FAIM2: variants seen among roughly 807,000 people sequenced by gnomAD.
FAIM2 encodes the protein protein lifeguard 2.
In FAIM2, 27 loss-of-function variants were observed where a neutral mutation model predicts 47.4. That is an observed-to-expected ratio of 0.57 (90% confidence interval 0.42 to 0.78). The LOEUF is 0.78. FAIM2 is among the 30% of genes least tolerant of loss of function. The probability of loss-of-function intolerance (pLI) is 0.00; values close to 1 mark genes in which losing one functional copy is unlikely to be tolerated. For missense variants in FAIM2, 311 were observed against 389.4 expected, an observed-to-expected ratio of 0.80 and a Z score of 1.69; for synonymous variants, 156 against 159.3, an observed-to-expected ratio of 0.98 and a Z score of 0.16.
At chr12:49,888,521 C>T (rs1037545505) in intron 10 of FAIM2, among the ~76,000 whole-genome samples, 2 of 152,166 alleles carry the variant, frequency 1.3e-5, no homozygotes, top group Non-Finnish European at 2.9e-5. Flanking sequence ...CCCCAATCTG[C>T]CCCTTCTCCA....
chr12:49,882,505 G>T (rs914954825), intron 11 of FAIM2, among the ~76,000 whole-genome samples: 2 of 152,122 alleles, frequency 1.3e-5, no homozygotes, highest in Non-Finnish European at 2.9e-5. Flanking sequence ...AGCTGCAGAT[G>T]AACACGGCAG....
chr12:49,890,203 G>C (rs750900044), intron 7 of FAIM2, 49 bp from the exon 8 acceptor site: 1 of 1,591,586 alleles, frequency 6.3e-7, no homozygotes, highest in Non-Finnish European at 8.6e-7. Flanking sequence ...AGACGCAGGG[G>C]CCCAGGCACC....
chr12:49,880,076 GTGTA>G (rs1426392172), intron 11 of FAIM2, among the ~76,000 whole-genome samples: 17 of 151,204 alleles, frequency 1.1e-4, no homozygotes, highest in Non-Finnish European at 1.0e-4. Context: ...GTGTGCATGA[GTGTA>G]TGTGTGTGCC....
chr12:49,888,141 G>C (rs1316214660), intron 10 of FAIM2, among the ~76,000 whole-genome samples: 1 of 152,160 alleles, frequency 6.6e-6, no homozygotes, highest in Non-Finnish European at 1.5e-5. Flanking sequence ...GTCAATAAAG[G>C]GTTCTTTGAA....
chr12:49,893,674 T>C (rs765898794), intron 5 of FAIM2, among the ~76,000 whole-genome samples: 52 of 152,288 alleles, frequency 3.4e-4, no homozygotes, highest in South Asian at 8.3e-4. Flanking sequence ...CTTAACCCTT[T>C]CCTGGTCTTC....
intron 11 of FAIM2, among the ~76,000 whole-genome samples, chr12:49,886,577 A>G (rs945547731): frequency 6.6e-6 from 1 of 151,926 alleles, no homozygotes; most frequent in Admixed American, 6.6e-5. Flanking sequence ...CCGGGTTCAC[A>G]CCATTCTCCT....
At chr12:49,892,700 C>T (rs1367094550) in intron 5 of FAIM2, among the ~76,000 whole-genome samples, 1 of 152,154 alleles carries the variant, frequency 6.6e-6, no homozygotes, top group Non-Finnish European at 1.5e-5. Context: ...TCCAGCTCTT[C>T]CCCCACGTTC....
At chr12:49,880,505 TGA>T (rs1235022921) in intron 11 of FAIM2, among the ~76,000 whole-genome samples, 8 of 143,342 alleles carry the variant, frequency 5.6e-5, no homozygotes, top group South Asian at 2.2e-4. Context: ...TGTGTGTGTA[TGA>T]GTGTGTATGT....
chr12:49,879,010 G>GTGTGTA (rs895530246), intron 11 of FAIM2, among the ~76,000 whole-genome samples: 1 of 130,914 alleles, frequency 7.6e-6, no homozygotes, highest in South Asian at 2.5e-4. Flanking sequence ...GTATGTGCAT[G>GTGTGTA]TGTGTATGTG....
intron 11 of FAIM2, among the ~76,000 whole-genome samples, chr12:49,880,142 G>T (rs2137088120): frequency 2.0e-5 from 3 of 150,872 alleles, no homozygotes; most frequent in Admixed American, 2.0e-4. Flanking sequence ...GTGTGTATAT[G>T]TGAGTGTATG....
chr12:49,870,463 G>A lies in FAIM2; in HGVS notation c.*41C>T. Reference sequence around the variant, plus strand: ...GCAGGGGAGGGACAGGGAACCAGGAGGGGCGCATTCTCTGGAGGACGGTGG... The same window carrying A: ...GCAGGGGAGGGACAGGGAACCAGGAAGGGCGCATTCTCTGGAGGACGGTGG... On this transcript the variant is annotated 3_prime_UTR_variant, in exon 12 of 12. Coordinates refer to ENST00000320634, the MANE Select transcript of FAIM2 (RefSeq NM_012306.4). The A allele has an allele frequency of 6.3e-7, 1 of 1,589,980 alleles. No homozygotes were observed. Among genetic ancestry groups the A allele is most frequent in the Non-Finnish European group, 8.6e-7 (1 of 1,161,476 alleles).
chr12:49,890,052 T>A, intron 8 of FAIM2, 65 bp downstream of exon 8: 2 of 1,514,564 alleles, frequency 1.3e-6, no homozygotes, highest in Non-Finnish European at 1.8e-6. Context: ...TCCCCTCGGG[T>A]GTGGCTGGTG....
At chr12:49,890,954 TGGGG>T in intron 6 of FAIM2, 106 bp downstream of exon 6, 1 of 1,089,708 alleles carries the variant, frequency 9.2e-7, no homozygotes, top group Non-Finnish European at 1.4e-6. Context: ...CAGAGAGGGA[TGGGG>T]CCCTCTCAGG....
chr12:49,884,565 G>GT (rs1946847543), intron 11 of FAIM2, among the ~76,000 whole-genome samples: 1 of 152,228 alleles, frequency 6.6e-6, no homozygotes, highest in Non-Finnish European at 1.5e-5. Context: ...TTCCAAGCCA[G>GT]TAGAACCACA....
At chr12:49,882,411 G>A (rs1304187404) in intron 11 of FAIM2, among the ~76,000 whole-genome samples, 2 of 152,158 alleles carry the variant, frequency 1.3e-5, no homozygotes, top group African/African-American at 2.4e-5. Context: ...GAGGGCCTTC[G>A]TCTACCTGAA....
At position 49,870,078 on chromosome 12, in the gene FAIM2, C is replaced by A. The variant is rs1051690452; in HGVS notation, c.*426G>T. 6.4e-6 allele frequency: 1 copy of A among 157,168 alleles called. No homozygotes were observed. The highest frequency in any genetic ancestry group is 2.4e-5 in the African/African-American group (1 of 41,722). 9.7% of individuals were successfully genotyped at this position (157,168 alleles called of 1,614,324 possible). Reference sequence around the variant, plus strand: ...CCTGGATGAGAAAGACAGGAGGACACAGACTGGATGCAGGACAGTGTGCCC... The same window carrying A: ...CCTGGATGAGAAAGACAGGAGGACAAAGACTGGATGCAGGACAGTGTGCCC... On this transcript the variant is annotated 3_prime_UTR_variant, in exon 12 of 12. Transcript: ENST00000320634.
chr12:49,880,041 T>C (rs1157400989), intron 11 of FAIM2, among the ~76,000 whole-genome samples: 1 of 62,912 alleles, frequency 1.6e-5, no homozygotes, highest in East Asian at 4.9e-4. Context: ...TGAGTGTATA[T>C]GCATGTGTAT....
rs1946982952 is a variant in FAIM2, at chr12:49,901,611, T to TAGGGGC, written c.16-292_16-287dup. The TAGGGGC allele has an allele frequency of 1.3e-5, 4 of 318,930 alleles. No individual in the cohort carries two copies. In the East Asian group the frequency reaches 2.1e-4, roughly 17 times the overall value. The allele number at this position is 318,930 out of a possible 1,614,324, so 19.8% of individuals were successfully genotyped here. A position where few individuals can be genotyped will look rare whatever the true frequency, so the allele number is the denominator to read the frequency against. On this transcript the variant is annotated intron_variant, in intron 1 of 11. Transcript: ENST00000320634. ...GTTGTCACTGTCATTGTCCCTGGGG[T>TAGGGGC]AGGGGCAGGGTCTCTATGGTTCCAG...
At chr12:49,879,966 G>GTGCGTA (rs1946795915) in intron 11 of FAIM2, among the ~76,000 whole-genome samples, 1 of 149,022 alleles carries the variant, frequency 6.7e-6, no homozygotes, top group African/African-American at 2.5e-5. Context: ...GTATGTGCAT[G>GTGCGTA]TGTGTGTATA....
Sources: gnomAD v4.1 joint callset for allele counts (sites outside exome capture counted in the v4.1 genomes callset) on GRCh38, gnomAD v4.1.1 for gene constraint, MANE v1.5 for transcripts, NCBI Gene and HGNC (gene_info 2026-07-23, HGNC 2026-07-21) for gene names.